Variants in GALNT17 observed in about 807,000 individuals in gnomAD.
The protein encoded by GALNT17 is UDP-GalNAc:polypeptide N-acetylgalactosaminyltransferase-like 3.
Under a neutral mutation model 63.7 loss-of-function variants are expected in GALNT17, and 29 were observed. The ratio of observed to expected loss-of-function variants is 0.46; its 90% CI spans 0.34 to 0.62. The LOEUF (loss-of-function observed/expected upper bound fraction) is 0.62, where lower values mean the gene tolerates loss of function less well. Ranked by LOEUF, GALNT17 falls within the 20% of genes least tolerant of loss-of-function variation. The probability of loss-of-function intolerance (pLI) is 0.01; values close to 1 mark genes in which losing one functional copy is unlikely to be tolerated. For synonymous variants in GALNT17, 305 were observed against 318.3 expected, an observed-to-expected ratio of 0.96 and a Z score of 0.45; for missense variants, 603 against 799.6, an observed-to-expected ratio of 0.75 and a Z score of 2.97.
At chr7:71,563,185 T>C (rs894435992) in intron 5 of GALNT17, among the ~76,000 whole-genome samples, 4 of 152,238 alleles carry the variant, frequency 2.6e-5, no homozygotes, top group Non-Finnish European at 5.9e-5. Context: ...TTATCATTTT[T>C]GAATGATTTT....
At chr7:71,680,949 G>A (rs1791252964) in intron 9 of GALNT17, among the ~76,000 whole-genome samples, 1 of 150,798 alleles carries the variant, frequency 6.6e-6, no homozygotes, top group African/African-American at 2.4e-5. Flanking sequence ...ACCCAGGCTG[G>A]AGTGCAATGG....
At chr7:71,459,596 C>G (rs372731268) in intron 5 of GALNT17, among the ~76,000 whole-genome samples, 1 of 152,166 alleles carries the variant, frequency 6.6e-6, no homozygotes, top group Non-Finnish European at 1.5e-5. Context: ...CTGACTCTGG[C>G]ATAACACAAC....
At chr7:71,607,078 G>A (rs1176384448) in intron 6 of GALNT17, among the ~76,000 whole-genome samples, 2 of 152,120 alleles carry the variant, frequency 1.3e-5, no homozygotes, top group Non-Finnish European at 2.9e-5. Flanking sequence ...AGGCTGGGGT[G>A]GGAGGATTGC....
At chr7:71,643,341 G>T (rs752637810) in intron 6 of GALNT17, among the ~76,000 whole-genome samples, 1 of 151,964 alleles carries the variant, frequency 6.6e-6, no homozygotes, top group Admixed American at 6.6e-5. Flanking sequence ...GGTGGCGTGT[G>T]CCTGTAATCC....
At chr7:71,337,693 C>T (rs1046126789) in intron 2 of GALNT17, among the ~76,000 whole-genome samples, 7 of 151,864 alleles carry the variant, frequency 4.6e-5, no homozygotes, top group African/African-American at 1.7e-4. Flanking sequence ...GATAGCAAAA[C>T]CCCGTCTCTA....
intron 1 of GALNT17, among the ~76,000 whole-genome samples, chr7:71,318,251 A>G (rs886752327): frequency 6.6e-6 from 1 of 152,066 alleles, no homozygotes; most frequent in Non-Finnish European, 1.5e-5. Flanking sequence ...TTTCATCTGC[A>G]TGGGTCACAG....
intron 6 of GALNT17, among the ~76,000 whole-genome samples, chr7:71,593,769 G>C (rs1444749189): frequency 1.3e-5 from 2 of 152,178 alleles, no homozygotes; most frequent in Non-Finnish European, 2.9e-5. Flanking sequence ...TTGTGCGTTG[G>C]ACAACTCCAC....
chr7:71,458,294 C>T (rs1042699927), intron 5 of GALNT17, among the ~76,000 whole-genome samples: 1 of 152,172 alleles, frequency 6.6e-6, no homozygotes, highest in African/African-American at 2.4e-5. Context: ...CTCTCACCCC[C>T]CTTGCAGGAT....
intron 2 of GALNT17, among the ~76,000 whole-genome samples, chr7:71,368,831 C>G (rs1481751366): frequency 6.7e-6 from 1 of 148,510 alleles, no homozygotes; most frequent in African/African-American, 2.5e-5. Context: ...TAAACTGATA[C>G]AAGATCCATA....
At chr7:71,391,519 G>A (rs183531255) in intron 3 of GALNT17, among the ~76,000 whole-genome samples, 3 of 152,280 alleles carry the variant, frequency 2.0e-5, no homozygotes, top group Non-Finnish European at 2.9e-5. Context: ...CTCTCACTCT[G>A]TCGCCCGGGC....
intron 5 of GALNT17, among the ~76,000 whole-genome samples, chr7:71,428,478 C>G (rs778575928): frequency 6.6e-6 from 1 of 152,108 alleles, no homozygotes; most frequent in East Asian, 1.9e-4. Flanking sequence ...CTCTCCCTGT[C>G]ACCCAAGCTG....
At chr7:71,261,766 C>T (rs1790389727) in intron 1 of GALNT17, among the ~76,000 whole-genome samples, 1 of 152,206 alleles carries the variant, frequency 6.6e-6, no homozygotes, top group African/African-American at 2.4e-5. Context: ...GAGGTGTAGC[C>T]TCTGTGCCAA....
At chr7:71,210,292 A>T (rs1052394503) in intron 1 of GALNT17, among the ~76,000 whole-genome samples, 1 of 152,098 alleles carries the variant, frequency 6.6e-6, no homozygotes, top group Non-Finnish European at 1.5e-5. Flanking sequence ...ATTCTGGGAG[A>T]TGCAATTCAA....
At chr7:71,650,870 A>G (rs1335498221) in intron 6 of GALNT17, among the ~76,000 whole-genome samples, 2 of 152,152 alleles carry the variant, frequency 1.3e-5, no homozygotes, top group Non-Finnish European at 2.9e-5. Context: ...AGCTCTGAGG[A>G]AAGAATAAAG....
chr7:71,421,156 A>G (rs1786657718), intron 5 of GALNT17, 51 bp downstream of exon 5: 1 of 1,599,128 alleles, frequency 6.3e-7, no homozygotes, highest in Non-Finnish European at 8.5e-7. Flanking sequence ...ATTCAAGGGT[A>G]AAAAGGAGCT....
Position 71,343,530 on chromosome 7 carries a change from A to AT in GALNT17, c.422+7805dup, listed in dbSNP as rs1367670024. Among the ~76,000 whole-genome samples the AT allele has an allele frequency of 1.2e-4, 19 of 152,034 alleles. No individual in the cohort carries two copies. In the East Asian group the frequency reaches 3.3e-3, roughly 26 times the overall value. On this transcript the variant is annotated intron_variant, in intron 2 of 10. Transcript: ENST00000333538. ...TCCATTTTGTTTTAATTCCGTGACT[A>AT]TTTTTTTTCTTCCACTGGACAGATA...
intron 1 of GALNT17, among the ~76,000 whole-genome samples, chr7:71,180,836 A>G (rs1386235353): frequency 6.6e-6 from 1 of 152,208 alleles, no homozygotes; most frequent in African/African-American, 2.4e-5. Context: ...GGCTTGGGGA[A>G]GAACAGAGGC....
intron 1 of GALNT17, among the ~76,000 whole-genome samples, chr7:71,139,950 C>T (rs767464717): frequency 1.1e-4 from 17 of 152,120 alleles, no homozygotes; most frequent in African/African-American, 2.9e-4. Flanking sequence ...GCAGAGATCG[C>T]GCCCCTGCAC....
intron 1 of GALNT17, among the ~76,000 whole-genome samples, chr7:71,264,480 A>G (rs760053014): frequency 2.0e-5 from 3 of 152,160 alleles, no homozygotes; most frequent in Non-Finnish European, 4.4e-5. Context: ...AGTGCTGAGT[A>G]TTTATGCAAA....
Sources: gnomAD v4.1 joint callset for allele counts (sites outside exome capture counted in the v4.1 genomes callset) on GRCh38, gnomAD v4.1.1 for gene constraint, MANE v1.5 for transcripts, NCBI Gene and HGNC (gene_info 2026-07-23, HGNC 2026-07-21) for gene names.